Variants in PTPN13 observed in about 807,000 individuals in gnomAD.
PTPN13 encodes the protein tyrosine-protein phosphatase non-receptor type 13.
In PTPN13, 191 loss-of-function variants were observed where a neutral mutation model predicts 284.0. The ratio of observed to expected loss-of-function variants is 0.67; its 90% CI spans 0.60 to 0.76. The LOEUF (loss-of-function observed/expected upper bound fraction) is 0.76, where lower values mean the gene tolerates loss of function less well. Among genes scored for constraint, PTPN13 ranks in the 30% least tolerant of loss-of-function variants. PTPN13 has a pLI of 0.00. For synonymous variants in PTPN13, 986 were observed against 1,022.3 expected (o/e 0.96, Z 0.68); for missense variants, 2,797 against 2,939.9 (o/e 0.95, Z 1.12).
intron 21 of PTPN13, 61 bp from the exon 22 acceptor site, chr4:86,758,617 C>T (rs1738293186): frequency 7.3e-7 from 1 of 1,375,982 alleles, no homozygotes; most frequent in Non-Finnish European, 1.0e-6. Context: ...TTCAGGCAGG[C>T]TAATCATTAG....
intron 1 of PTPN13, among the ~76,000 whole-genome samples, chr4:86,621,939 T>C (rs1280769356): frequency 6.6e-6 from 1 of 152,174 alleles, no homozygotes; most frequent in Non-Finnish European, 1.5e-5. Flanking sequence ...ATCAAATGTG[T>C]CGAGTTCTGT....
chr4:86,736,933 T>C (rs1177257995), intron 15 of PTPN13, among the ~76,000 whole-genome samples: 1 of 152,252 alleles, frequency 6.6e-6, no homozygotes, highest in Non-Finnish European at 1.5e-5. Flanking sequence ...AGAAGTTTTA[T>C]CTTGTTAACA....
chr4:86,754,249 AACTTAT>A (rs1325091939), intron 20 of PTPN13, among the ~76,000 whole-genome samples: 3 of 152,030 alleles, frequency 2.0e-5, no homozygotes, highest in East Asian at 1.9e-4. Flanking sequence ...AAAATTATTG[AACTTAT>A]ACTTGGACGT....
rs755179641 is a variant in PTPN13, at chr4:86,732,427, A to G, written c.1636A>G (p.Met546Val). The change falls in exon 11 of 48, where the codon ATG becomes GTG. Residue 546 changes from methionine to valine, a missense_variant. Met to Val is a conservative substitution (Grantham distance 21, BLOSUM62 1). Coordinates refer to ENST00000411767, the MANE Select transcript of PTPN13 (RefSeq NM_080683.3). ...RNFFGPEFVK[M>V]TIEPFISLDL... ...TTTCTTTGGCCCTGAGTTTGTGAAAATGACAATTGAACCATTTATATCTTT... is the reference window on the plus strand; with the variant it reads ...TTTCTTTGGCCCTGAGTTTGTGAAAGTGACAATTGAACCATTTATATCTTT... 1.2e-6 allele frequency: 2 copies of G among 1,600,194 alleles called. No homozygotes were observed. The highest frequency in any genetic ancestry group is 1.7e-6 in the Non-Finnish European group (2 of 1,172,206).
At chr4:86,764,275 A>T (rs968609064) in intron 24 of PTPN13, among the ~76,000 whole-genome samples, 2 of 152,304 alleles carry the variant, frequency 1.3e-5, no homozygotes, top group Non-Finnish European at 2.9e-5. Context: ...TCCATCTGCC[A>T]TATCTAGCAG....
chr4:86,699,166 T>G (rs1730872451), intron 6 of PTPN13, among the ~76,000 whole-genome samples: 3 of 151,990 alleles, frequency 2.0e-5, no homozygotes, highest in African/African-American at 7.3e-5. Context: ...GGTGGGCAGA[T>G]CACGAGGTCA....
In PTPN13 at chr4:86,785,869, A is replaced by G. The variant is rs1450335387; in HGVS notation, c.6278A>G (p.Lys2093Arg). 5.8e-6 allele frequency: 9 copies of G among 1,564,826 alleles called. No homozygotes were observed. In the South Asian group the frequency reaches 1.1e-4, roughly 18 times the overall value. Residue 2093 changes from lysine (K) to arginine (R), a missense_variant, in exon 40 of 48, where the codon AAG becomes AGG. Transcript: ENST00000411767. ...CGPGTLKMNG[K>R]LSEERTEDTD... ...TCAGGTACATTAAAGATGAATGGGA[A>G]GTTATCAGAAGAGAGAACAGAAGAT... is the stretch of plus-strand genomic sequence containing the variant.
At chr4:86,691,945 T>C (rs1484002450) in intron 5 of PTPN13, among the ~76,000 whole-genome samples, 4 of 152,190 alleles carry the variant, frequency 2.6e-5, no homozygotes, top group Admixed American at 2.6e-4. Context: ...TGTTATAATA[T>C]TTGGACCACA....
chr4:86,657,450 A>G (rs548735863), intron 2 of PTPN13, among the ~76,000 whole-genome samples: 22 of 152,336 alleles, frequency 1.4e-4, no homozygotes, highest in African/African-American at 4.8e-4. Flanking sequence ...GTTAGCAGGC[A>G]AAGTCACTTG....
At chr4:86,649,635 T>C (rs1369441360) in intron 2 of PTPN13, among the ~76,000 whole-genome samples, 2 of 152,202 alleles carry the variant, frequency 1.3e-5, no homozygotes, top group Non-Finnish European at 2.9e-5. Context: ...TATAGCTTTG[T>C]ATTATAATTT....
rs896419882 is a variant in PTPN13 at position 86,767,670 on chromosome 4, AT to A, written c.4330-137del. The A allele has an allele frequency of 4.9e-3, 2,586 of 523,522 alleles. 1 individual carries two copies. The highest frequency in any genetic ancestry group is 6.8e-3 in the South Asian group (190 of 27,796). The allele number at this position is 523,522 out of a possible 1,614,324, so 32.4% of individuals were successfully genotyped here. A position where few individuals can be genotyped will look rare whatever the true frequency, so the allele number is the denominator to read the frequency against. On this transcript the variant is annotated intron_variant, in intron 27 of 47. Transcript: ENST00000411767. ...TTCAACCCCTTGCTTTTGTTCCTCT[AT>A]TTTTTTTTTCTCCCCCTTCATTTGG...
intron 47 of PTPN13, 148 bp downstream of exon 47, chr4:86,811,256 A>T (rs1745190037): frequency 4.7e-6 from 3 of 631,994 alleles, no homozygotes; most frequent in Non-Finnish European, 2.5e-6. Flanking sequence ...ATTTTTTTTT[A>T]AATGAGGACT....
intron 47 of PTPN13, among the ~76,000 whole-genome samples, chr4:86,812,457 T>TTA (rs935257362): frequency 6.6e-6 from 1 of 151,912 alleles, no homozygotes; most frequent in African/African-American, 2.4e-5. Context: ...AACATGTAAA[T>TTA]TATATAGGAT....
In PTPN13 at chr4:86,793,097, C is replaced by T. The variant is rs561756458; in HGVS notation, c.6346-3777C>T. ...TAAAGAGTCAAGACCCATTGGTGTG[C>T]TGTATTCAGGAGACCCATCTCATGT... On this transcript the variant is annotated intron_variant, in intron 40 of 47. Transcript: ENST00000411767. Among the ~76,000 whole-genome samples the T allele has an allele frequency of 2.0e-5, 3 of 151,510 alleles. No individual in the cohort carries two copies. The East Asian group carries it at 5.8e-4, about 29-fold the overall frequency.
intron 7 of PTPN13, among the ~76,000 whole-genome samples, chr4:86,709,094 C>T (rs1020658888): frequency 6.6e-6 from 1 of 152,032 alleles, no homozygotes; most frequent in Non-Finnish European, 1.5e-5. Flanking sequence ...CACAAACACA[C>T]ACTTGTGTGG....
intron 14 of PTPN13, 58 bp from the exon 15 acceptor site, chr4:86,735,536 A>G (rs997271263): frequency 2.6e-6 from 4 of 1,565,824 alleles, no homozygotes; most frequent in African/African-American, 2.8e-5. Flanking sequence ...GATAGAAGGA[A>G]AAGGGTTTAC....
Position 86,689,333 on chromosome 4 carries a change from ATTGT to A in PTPN13, c.546+146_546+149del, listed in dbSNP as rs1053647054. The A allele has an allele frequency of 4.7e-5, 32 of 685,278 alleles. No homozygotes were observed. The African/African-American group carries it at 5.6e-4, about 12-fold the overall frequency. 42.4% of individuals were successfully genotyped at this position (685,278 alleles called of 1,614,324 possible). A position where few individuals can be genotyped will look rare whatever the true frequency, so the allele number is the denominator to read the frequency against. ...AATTGAATTTCTTCTTCTAATATAAATTGTTTATTTGAAACAATACTTAAAATTT... is the reference window on the plus strand; with the variant it reads ...AATTGAATTTCTTCTTCTAATATAAATTATTTGAAACAATACTTAAAATTT... On this transcript the variant is annotated intron_variant, in intron 5 of 47. Transcript: ENST00000411767.
intron 6 of PTPN13, among the ~76,000 whole-genome samples, chr4:86,695,298 A>G (rs554872266): frequency 6.4e-4 from 98 of 152,220 alleles, no homozygotes; most frequent in African/African-American, 2.3e-3. Context: ...CAATTTTGAA[A>G]GTATTTTTCA....
At chr4:86,810,043 T>A (rs1158283131) in intron 46 of PTPN13, 59 bp downstream of exon 46, 5 of 1,383,692 alleles carry the variant, frequency 3.6e-6, no homozygotes, top group Non-Finnish European at 5.0e-6. Flanking sequence ...GGAGTCTAAT[T>A]TTTGATAATG....
Sources: gnomAD v4.1 joint callset for allele counts (sites outside exome capture counted in the v4.1 genomes callset) on GRCh38, gnomAD v4.1.1 for gene constraint, MANE v1.5 for transcripts, NCBI Gene and HGNC (gene_info 2026-07-23, HGNC 2026-07-21) for gene names.